CNTLN: variants seen among roughly 807,000 people sequenced by gnomAD.
CNTLN encodes centlein, centrosomal protein.
A neutral mutation model predicts 180.0 loss-of-function variants in CNTLN; 212 were observed. That is an observed-to-expected ratio of 1.18 (90% confidence interval 1.05 to 1.32). The LOEUF (loss-of-function observed/expected upper bound fraction) is 1.32, where lower values mean the gene tolerates loss of function less well. CNTLN is among the 40% of genes most tolerant of loss of function. The probability of loss-of-function intolerance (pLI) is 0.00; values close to 1 mark genes in which losing one functional copy is unlikely to be tolerated. For synonymous variants in CNTLN, 722 were observed against 563.1 expected, an observed-to-expected ratio of 1.28 and a Z score of -3.99; for missense variants, 2,095 against 1,610.9, an observed-to-expected ratio of 1.30 and a Z score of -5.14.
intron 23 of CNTLN, among the ~76,000 whole-genome samples, chr9:17,473,301 C>T (rs895934502): frequency 2.0e-5 from 3 of 152,190 alleles, no homozygotes; most frequent in African/African-American, 7.2e-5. Flanking sequence ...TCAATCTCAG[C>T]TGCGTCTTTC....
intron 10 of CNTLN, among the ~76,000 whole-genome samples, chr9:17,336,731 A>G (rs1821066317): frequency 6.6e-6 from 1 of 152,206 alleles, no homozygotes; most frequent in African/African-American, 2.4e-5. Flanking sequence ...TTATACTTTA[A>G]GTTCTGGGAT....
chr9:17,151,853 A>C (rs886215267), intron 2 of CNTLN, among the ~76,000 whole-genome samples: 1 of 152,156 alleles, frequency 6.6e-6, no homozygotes, highest in Non-Finnish European at 1.5e-5. Context: ...TTATTGGTCT[A>C]TTCCAGGATT....
At chr9:17,497,073 C>G (rs138899926) in intron 25 of CNTLN, among the ~76,000 whole-genome samples, 112 of 152,222 alleles carry the variant, frequency 7.4e-4, no homozygotes, top group African/African-American at 2.5e-3. Flanking sequence ...AAACTGATGT[C>G]CAAGGGAGCT....
At chr9:17,375,120 ACAT>A (rs1824647562) in intron 13 of CNTLN, among the ~76,000 whole-genome samples, 1 of 152,204 alleles carries the variant, frequency 6.6e-6, no homozygotes, top group Non-Finnish European at 1.5e-5. Flanking sequence ...ATTTGCAACA[ACAT>A]GGATGAAATT....
At chr9:17,474,531 C>T (rs923061704) in intron 23 of CNTLN, among the ~76,000 whole-genome samples, 1 of 152,190 alleles carries the variant, frequency 6.6e-6, no homozygotes, top group Admixed American at 6.5e-5. Flanking sequence ...GCTCTTGATC[C>T]AGAACAGTCT....
At chr9:17,395,133 T>A in intron 15 of CNTLN, 64 bp downstream of exon 15, 1 of 1,497,962 alleles carries the variant, frequency 6.7e-7, no homozygotes, top group South Asian at 1.4e-5. Context: ...CACTAGCAAA[T>A]GGAGATTGAA....
chr9:17,400,932 A>C (rs1216941493), intron 15 of CNTLN, among the ~76,000 whole-genome samples: 6 of 152,206 alleles, frequency 3.9e-5, no homozygotes, highest in Non-Finnish European at 8.8e-5. Context: ...TAGATTCCAC[A>C]CACACATAAA....
At chr9:17,434,868 G>A (rs2134003005) in intron 18 of CNTLN, among the ~76,000 whole-genome samples, 1 of 151,740 alleles carries the variant, frequency 6.6e-6, no homozygotes, top group Admixed American at 6.6e-5. Context: ...GAAAACAATT[G>A]TGCCACTTTT....
At chr9:17,138,610 T>C in intron 1 of CNTLN, among the ~76,000 whole-genome samples, 1 of 152,200 alleles carries the variant, frequency 6.6e-6, no homozygotes, top group East Asian at 1.9e-4. Flanking sequence ...TTGGCGAGTC[T>C]TTTTGTGAAA....
At chr9:17,418,815 G>T (rs1828471927) in intron 18 of CNTLN, among the ~76,000 whole-genome samples, 1 of 151,928 alleles carries the variant, frequency 6.6e-6, no homozygotes, top group Non-Finnish European at 1.5e-5. Context: ...CCATACTAAA[G>T]ATATTACTTT....
intron 5 of CNTLN, among the ~76,000 whole-genome samples, chr9:17,243,451 G>T (rs12237892): frequency 6.6e-6 from 1 of 151,938 alleles, no homozygotes; most frequent in African/African-American, 2.4e-5. Context: ...GATTCTTACA[G>T]CATAAAATTT....
intron 2 of CNTLN, chr9:17,167,533 A>G (rs1820153126): frequency 6.6e-6 from 1 of 152,214 alleles, no homozygotes; most frequent in South Asian, 2.1e-4. Context: ...ATAGAACCTA[A>G]AAGGCAGAAT....
chr9:17,223,887 A>C (rs1003474406), intron 2 of CNTLN, among the ~76,000 whole-genome samples: 1 of 151,846 alleles, frequency 6.6e-6, no homozygotes, highest in African/African-American at 2.4e-5. Flanking sequence ...CTTTACTATA[A>C]ATGTGTGTAC....
At chr9:17,284,301 C>T (rs985061473) in intron 6 of CNTLN, among the ~76,000 whole-genome samples, 3 of 152,176 alleles carry the variant, frequency 2.0e-5, no homozygotes, top group African/African-American at 7.2e-5. Context: ...AGCAGACCCT[C>T]CTTTTCAATT....
intron 4 of CNTLN, among the ~76,000 whole-genome samples, 161 bp from the exon 5 acceptor site, chr9:17,236,248 G>A (rs555489825): frequency 1.3e-5 from 2 of 152,234 alleles, no homozygotes; most frequent in African/African-American, 4.8e-5. Flanking sequence ...CATGAAAAGA[G>A]GCCAATAAAA....
At position 17,423,336 on chromosome 9, in the gene CNTLN, G is replaced by T. The variant is rs559291839; in HGVS notation, c.3114+7147G>T. On this transcript the variant is annotated intron_variant, in intron 18 of 25. Coordinates refer to ENST00000380647, the MANE Select transcript of CNTLN (RefSeq NM_017738.4). ...CAGGTTCTCTTCTGGCCCAGGGTGG[G>T]TCTAGAAATGCCGTACAGGAGCTAG... Among the ~76,000 whole-genome samples the T allele has an allele frequency of 5.8e-4, 88 of 152,272 alleles. 1 individual carries two copies. The highest frequency in any genetic ancestry group is 2.0e-3 in the African/African-American group (84 of 41,542).
intron 2 of CNTLN, among the ~76,000 whole-genome samples, chr9:17,175,880 T>C (rs890901772): frequency 6.6e-6 from 1 of 152,154 alleles, no homozygotes; most frequent in Non-Finnish European, 1.5e-5. Flanking sequence ...TGATGGTAAA[T>C]GATACTGTAT....
At chr9:17,186,668 T>C (rs1821451944) in intron 2 of CNTLN, among the ~76,000 whole-genome samples, 1 of 152,148 alleles carries the variant, frequency 6.6e-6, no homozygotes, top group Admixed American at 6.5e-5. Flanking sequence ...ATCATGTGTA[T>C]ATATTTAGGT....
intron 18 of CNTLN, among the ~76,000 whole-genome samples, chr9:17,418,343 T>C (rs115276764): frequency 2.3e-3 from 352 of 152,156 alleles, no homozygotes; most frequent in African/African-American, 7.8e-3. Context: ...CTTAGAATTC[T>C]CTACTGATAA....
Sources: allele counts gnomAD v4.1 joint callset (sites outside exome capture counted in the v4.1 genomes callset), GRCh38; gene constraint gnomAD v4.1.1; transcripts MANE v1.5; gene names NCBI Gene and HGNC (gene_info 2026-07-23, HGNC 2026-07-21).